CHGA: variants seen among roughly 807,000 people sequenced by gnomAD.
CHGA encodes the protein chromogranin-A.
Under a neutral mutation model 54.4 loss-of-function variants are expected in CHGA, and 41 were observed. The ratio of observed to expected loss-of-function variants is 0.75; its 90% CI spans 0.59 to 0.98. The LOEUF (loss-of-function observed/expected upper bound fraction) is 0.98, where lower values mean the gene tolerates loss of function less well. Ranked by LOEUF, CHGA falls within the 50% of genes least tolerant of loss-of-function variation. The probability of loss-of-function intolerance (pLI) is 0.00; values close to 1 mark genes in which losing one functional copy is unlikely to be tolerated. For synonymous variants in CHGA, 249 were observed against 232.8 expected (o/e 1.07, Z -0.63); for missense variants, 576 against 582.3 (o/e 0.99, Z 0.11).
In CHGA at chr14:92,934,724, C is replaced by T. The variant is rs903452850; in HGVS notation, c.1291-77C>T. On this transcript the variant is annotated intron_variant, in intron 7 of 7. Transcript: ENST00000216492. ...ACCTGTCCGAGGCCACACAGCTAAC[C>T]CAGCGCCTTTCTGGCTTACTGTGCC... 2.7e-6 allele frequency: 3 copies of T among 1,120,662 alleles called. No homozygotes were observed. The African/African-American group carries it at 4.7e-5, about 18-fold the overall frequency. The allele number at this position is 1,120,662 out of a possible 1,614,324, so 69.4% of individuals were successfully genotyped here.
At chr14:92,922,728 G>A (rs935639873), upstream of CHGA, among the ~76,000 whole-genome samples, 3 of 152,232 alleles carry the variant, frequency 2.0e-5, no homozygotes, top group Non-Finnish European at 2.9e-5. Flanking sequence ...AGAGCCATGA[G>A]TGATGGGCAT....
chr14:92,925,060 T>C (rs1886860793), intron 2 of CHGA, among the ~76,000 whole-genome samples: 1 of 152,224 alleles, frequency 6.6e-6, no homozygotes, highest in South Asian at 2.1e-4. Context: ...TCCTATGTTT[T>C]AGTTGCAGAT....
At chr14:92,929,955 T>C in intron 5 of CHGA, 140 bp downstream of exon 5, 1 of 686,670 alleles carries the variant, frequency 1.5e-6, no homozygotes, top group East Asian at 2.7e-5. Flanking sequence ...ATGGGGAAAC[T>C]GCTGCTCAGA....
rs1437679631 is a variant in CHGA at position 92,932,407 on chromosome 14, G to C, written c.846G>C (p.Lys282Asn). 9 of 1,579,286 alleles carry C rather than the reference G, an allele frequency of 5.7e-6. No individual in the cohort carries two copies. In the East Asian group the frequency reaches 2.1e-4, roughly 36 times the overall value. ...CTCTGGCTGTGGATGGAGCTGGGAA[G>C]CCTGGGGCTGAGGAGGCTCAGGACC... is the stretch of plus-strand genomic sequence containing the variant. The part of the protein sequence containing the change: ...SEALAVDGAG[K>N]PGAEEAQDPE... Residue 282 changes from lysine (K) to asparagine (N), a missense_variant, in exon 7 of 8, where the codon AAG becomes AAC. Coordinates refer to ENST00000216492, the MANE Select transcript of CHGA (RefSeq NM_001275.4). This position sits in a 1 kb window ranked among gnomAD's most constrained non-coding sequence, Gnocchi z 5.3.
At chr14:92,923,668 G>C (rs1204792643) in intron 1 of CHGA, among the ~76,000 whole-genome samples, 4 of 152,192 alleles carry the variant, frequency 2.6e-5, no homozygotes, top group African/African-American at 9.7e-5. Context: ...TTGGCGCCTC[G>C]GTTGCATCAG....
At chr14:92,924,722 A>G (rs909566002) in intron 2 of CHGA, among the ~76,000 whole-genome samples, 1 of 152,218 alleles carries the variant, frequency 6.6e-6, no homozygotes, top group African/African-American at 2.4e-5. Context: ...AAGGAACACA[A>G]GCAAAACATC....
Position 92,931,389 on chromosome 14 carries a change from G to A in CHGA, c.495G>A (p.Gly165=), listed in dbSNP as rs138696811. The change falls in exon 6 of 8, where the codon GGG becomes GGA. Residue 165 remains glycine, a synonymous_variant. Transcript: ENST00000216492. The part of the protein sequence containing the change: ...PEPMQESKAE[G]NNQAPGEEEE... ...CCATGCAGGAGTCCAAGGCTGAGGG[G>A]AACAATCAGGCCCCTGGGGAGGAAG... 6.2e-7 allele frequency: 1 copy of A among 1,612,678 alleles called. No homozygotes were observed. Among genetic ancestry groups the A allele is most frequent in the Non-Finnish European group, 8.5e-7 (1 of 1,179,728 alleles).
At chr14:92,925,989 G>A (rs1473445703) in intron 2 of CHGA, 2 of 152,394 alleles carry the variant, frequency 1.3e-5, no homozygotes, top group East Asian at 1.9e-4. Flanking sequence ...CCTGGGATAT[G>A]CTCCCAGGTG....
At position 92,931,698 on chromosome 14, in the gene CHGA, CG is replaced by C. The variant is rs776957955; in HGVS notation, c.805del (p.Glu269ArgfsTer84). ...TTGGCTACAAGGAGATCCGGAAAGG[CG>C]AGAGTACGTATGATGGCGAAGACCT... Reference protein sequence around the residue: ...SLGYKEIRKGESRSEALAVDG... With the variant: ...SLGYKEIRKGXSRSEALAVDG... On this transcript the variant is annotated frameshift_variant, in exon 6 of 8. Coordinates refer to ENST00000216492, the MANE Select transcript of CHGA (RefSeq NM_001275.4). LOFTEE classifies it high-confidence loss of function. 6.4e-7 allele frequency: 1 copy of C among 1,568,010 alleles called. No individual in the cohort carries two copies. Among genetic ancestry groups the C allele is most frequent in the South Asian group, 1.2e-5 (1 of 83,594 alleles).
chr14:92,933,433 T>C (rs1887054462), intron 7 of CHGA, among the ~76,000 whole-genome samples: 2 of 152,156 alleles, frequency 1.3e-5, no homozygotes, highest in South Asian at 4.1e-4. Flanking sequence ...CCCACGTCAT[T>C]ACCATGATTG....
chr14:92,924,296 A>G (rs1886845878), intron 2 of CHGA, 51 bp downstream of exon 2: 2 of 1,562,684 alleles, frequency 1.3e-6, no homozygotes, highest in Non-Finnish European at 1.7e-6. Flanking sequence ...TGGACACTTC[A>G]CAGCCAGTTC....
At chr14:92,927,225 G>A (rs1886903410) in intron 3 of CHGA, among the ~76,000 whole-genome samples, 1 of 152,210 alleles carries the variant, frequency 6.6e-6, no homozygotes. Flanking sequence ...GGGTTGTCCA[G>A]GTGTGGTAGA....
In CHGA at chr14:92,932,399, G is replaced by T; in HGVS notation, c.838G>T (p.Ala280Ser). ...SRSEALAVDG[A>S]GKPGAEEAQD... ...GTCGGAGGCTCTGGCTGTGGATGGAGCTGGGAAGCCTGGGGCTGAGGAGGC... is the reference window on the plus strand; with the variant it reads ...GTCGGAGGCTCTGGCTGTGGATGGATCTGGGAAGCCTGGGGCTGAGGAGGC... Residue 280 changes from alanine to serine, a missense_variant, in exon 7 of 8, where the codon GCT becomes TCT. Coordinates refer to ENST00000216492, the MANE Select transcript of CHGA (RefSeq NM_001275.4). This position sits in a 1 kb window ranked among gnomAD's most constrained non-coding sequence, Gnocchi z 5.3. 8 of 1,582,572 alleles carry T rather than the reference G, an allele frequency of 5.1e-6. No individual in the cohort carries two copies. Among genetic ancestry groups the T allele is most frequent in the Non-Finnish European group, 6.9e-6 (8 of 1,165,108 alleles).
chr14:92,934,711 C>A, intron 7 of CHGA, 90 bp from the exon 8 acceptor site: 1 of 925,908 alleles, frequency 1.1e-6, no homozygotes, highest in Non-Finnish European at 1.7e-6. Context: ...CTGTCCGAGG[C>A]CACACAGCTA....
rs779403860 is a variant in CHGA, at chr14:92,932,440, G to C, written c.879G>C (p.Gly293=). 16 of 1,565,676 alleles carry C rather than the reference G, an allele frequency of 1.0e-5. No individual in the cohort carries two copies. The highest frequency in any genetic ancestry group is 1.4e-5 in the Non-Finnish European group (16 of 1,155,094). ...CTGAGGAGGCTCAGGACCCCGAAGG[G>C]AAGGGAGAACAGGAGCACTCCCAGC... The part of the protein sequence containing the change: ...PGAEEAQDPE[G]KGEQEHSQQK... Residue 293 remains glycine, a synonymous_variant, in exon 7 of 8, where the codon GGG becomes GGC. Coordinates refer to ENST00000216492, the MANE Select transcript of CHGA (RefSeq NM_001275.4). This position sits in a 1 kb window ranked among gnomAD's most constrained non-coding sequence, Gnocchi z 5.3.
chr14:92,924,182 T>C lies in CHGA; in HGVS notation c.47-17T>C. On this transcript the variant is annotated splice_polypyrimidine_tract_variant and intron_variant, in intron 1 of 7. Transcript: ENST00000216492. Reference sequence around the variant, plus strand: ...TGGAGCAGAGGAGTGACCCCAGCACTCTCTTCTTCTTCCCAGTCACTGCGC... The same window carrying C: ...TGGAGCAGAGGAGTGACCCCAGCACCCTCTTCTTCTTCCCAGTCACTGCGC... 1 of 1,610,106 alleles carries C rather than the reference T, an allele frequency of 6.2e-7. No individual in the cohort carries two copies. The highest frequency in any genetic ancestry group is 8.5e-7 in the Non-Finnish European group (1 of 1,178,700).
intron 1 of CHGA, 63 bp from the exon 2 acceptor site, chr14:92,924,136 C>G: frequency 6.3e-7 from 1 of 1,577,846 alleles, no homozygotes; most frequent in East Asian, 2.3e-5. Flanking sequence ...TGAGCCCGGT[C>G]AGAAAGGACT....
chr14:92,934,285 A>G (rs1887072281), intron 7 of CHGA, among the ~76,000 whole-genome samples: 1 of 152,162 alleles, frequency 6.6e-6, no homozygotes, highest in African/African-American at 2.4e-5. Flanking sequence ...TCCTCTCACA[A>G]TCAGGACCAG....
chr14:92,924,815 AG>A lies in CHGA; in HGVS notation c.93+571del, dbSNP rs1886855581. On this transcript the variant is annotated intron_variant, in intron 2 of 7. Coordinates refer to ENST00000216492, the MANE Select transcript of CHGA (RefSeq NM_001275.4). ...CCAGGAAAGGGCCTTAGGAGACACT[AG>A]TAGGGGTTTCTCTGGCAGCAAGAGA... Among the ~76,000 whole-genome samples the A allele has an allele frequency of 7.9e-5, 12 of 152,288 alleles. No homozygotes were observed. The South Asian group carries it at 2.5e-3, about 32-fold the overall frequency.
Sources: gnomAD v4.1 joint callset for allele counts (sites outside exome capture counted in the v4.1 genomes callset) on GRCh38, gnomAD v4.1.1 for gene constraint, Gnocchi (gnomAD v3.1) non-coding constraint, MANE v1.5 for transcripts, NCBI Gene and HGNC (gene_info 2026-07-23, HGNC 2026-07-21) for gene names.